Variants in KAT6B observed in about 807,000 individuals in gnomAD.
KAT6B encodes the protein lysine acetyltransferase 6B.
In KAT6B, 10 loss-of-function variants were observed where a neutral mutation model predicts 187.5. That is an observed-to-expected ratio of 0.05 (90% confidence interval 0.03 to 0.09). The LOEUF (loss-of-function observed/expected upper bound fraction) is 0.09. KAT6B is among the 10% of genes least tolerant of loss of function. KAT6B has a pLI of 1.00. For missense variants in KAT6B, 1,952 were observed against 2,558.9 expected (o/e 0.76, Z 5.12); for synonymous variants, 861 against 926.8 (o/e 0.93, Z 1.29).
In KAT6B at chr10:75,031,108, C is replaced by T; in HGVS notation, c.*62C>T. On this transcript the variant is annotated 3_prime_UTR_variant, in exon 18 of 18. Transcript: ENST00000287239. ...CTATTGGATTGATCTGCACAAATAC[C>T]TTTGAAGAGTACGATTTCAAAACCA... The T allele has an allele frequency of 1.3e-6, 2 of 1,584,736 alleles. No homozygotes were observed.
chr10:74,838,538 T>C (rs1841484907), intron 1 of KAT6B, 145 bp from the exon 2 acceptor site: 1 of 152,200 alleles, frequency 6.6e-6, no homozygotes, highest in Admixed American at 6.5e-5. Context: ...CCTTCAGTGG[T>C]CTAAAAGAAT....
At chr10:74,934,616 G>A (rs1849110823) in intron 3 of KAT6B, among the ~76,000 whole-genome samples, 1 of 151,990 alleles carries the variant, frequency 6.6e-6, no homozygotes, top group Non-Finnish European at 1.5e-5. Flanking sequence ...CTGCTGCGTG[G>A]GTCTCCAGTC....
At chr10:74,925,901 G>C (rs534466332) in intron 3 of KAT6B, among the ~76,000 whole-genome samples, 1 of 152,130 alleles carries the variant, frequency 6.6e-6, no homozygotes, top group African/African-American at 2.4e-5. Flanking sequence ...GCAGTCGGCA[G>C]AACAGATGCA....
intron 3 of KAT6B, among the ~76,000 whole-genome samples, chr10:74,900,946 T>C (rs1846343753): frequency 6.6e-6 from 1 of 152,222 alleles, no homozygotes; most frequent in Non-Finnish European, 1.5e-5. Context: ...TAATACTCCA[T>C]GAAAGTATAT....
intron 12 of KAT6B, among the ~76,000 whole-genome samples, chr10:74,986,630 A>G (rs950368018): frequency 2.0e-5 from 3 of 152,262 alleles, no homozygotes; most frequent in African/African-American, 7.2e-5. Context: ...TTAAAATGAA[A>G]AAGAAGAAAG....
At chr10:74,897,700 C>T (rs1011351400) in intron 3 of KAT6B, among the ~76,000 whole-genome samples, 1 of 152,190 alleles carries the variant, frequency 6.6e-6, no homozygotes, top group Admixed American at 6.5e-5. Context: ...TTTTTAAATA[C>T]TTTCACCTTG....
chr10:74,951,794 G>A (rs980245862), intron 3 of KAT6B, among the ~76,000 whole-genome samples: 4 of 152,300 alleles, frequency 2.6e-5, no homozygotes, highest in East Asian at 1.9e-4. Context: ...TTTACATGTC[G>A]TGTTTGTGGT....
At chr10:74,943,428 A>G (rs1395230285) in intron 3 of KAT6B, among the ~76,000 whole-genome samples, 1 of 152,208 alleles carries the variant, frequency 6.6e-6, no homozygotes, top group African/African-American at 2.4e-5. Flanking sequence ...CCCAGTAAAG[A>G]TCCCAAAAAG....
At chr10:74,957,089 T>C (rs569477215) in intron 3 of KAT6B, among the ~76,000 whole-genome samples, 1 of 152,326 alleles carries the variant, frequency 6.6e-6, no homozygotes, top group Non-Finnish European at 1.5e-5. Flanking sequence ...TTTACTTTAT[T>C]ATAAGGGATT....
chr10:74,907,381 C>T (rs1176355375), intron 3 of KAT6B, among the ~76,000 whole-genome samples: 4 of 152,210 alleles, frequency 2.6e-5, no homozygotes, highest in Non-Finnish European at 4.4e-5. Flanking sequence ...ATTTGGCTGT[C>T]CTGTTTGTCA....
chr10:74,923,186 G>A (rs1848262230), intron 3 of KAT6B, among the ~76,000 whole-genome samples: 1 of 152,180 alleles, frequency 6.6e-6, no homozygotes, highest in Non-Finnish European at 1.5e-5. Context: ...AATGAGTCAT[G>A]GGCAAACAAT....
rs768436086 is a variant in KAT6B, at chr10:75,030,051, C to T, written c.5227C>T (p.Pro1743Ser). 2 of 1,614,220 alleles carry T rather than the reference C, an allele frequency of 1.2e-6. No homozygotes were observed. Reference sequence around the variant, plus strand: ...GCTGCAGCAAACCAGCATCAGCTCCCCTCCGACCTGCAGCGTCAAGTCTCC... The same window carrying T: ...GCTGCAGCAAACCAGCATCAGCTCCTCTCCGACCTGCAGCGTCAAGTCTCC... ...SMLQQTSISSPPTCSVKSPQG... is the reference protein window; with the variant it reads ...SMLQQTSISSSPTCSVKSPQG... The change falls in exon 18 of 18, where the codon CCT (proline) becomes TCT (serine). Residue 1743 changes from proline to serine, a missense_variant. Around this residue, in one of 9 missense-constraint regions of KAT6B, gnomAD observed 87 missense variants for 167.5 expected, o/e 0.52. Transcript: ENST00000287239. This position sits in a 1 kb window ranked among gnomAD's most constrained non-coding sequence, Gnocchi z 4.8.
intron 13 of KAT6B, among the ~76,000 whole-genome samples, chr10:75,001,278 C>T (rs547989388): frequency 3.3e-5 from 5 of 152,230 alleles, no homozygotes; most frequent in South Asian, 2.1e-4. Context: ...TAGAGATCCC[C>T]GGGCTTGTTT....
intron 1 of KAT6B, among the ~76,000 whole-genome samples, chr10:74,830,224 C>T (rs1465550161): frequency 6.6e-6 from 1 of 152,138 alleles, no homozygotes; most frequent in East Asian, 1.9e-4. Flanking sequence ...TCTTCTGATA[C>T]CTGTCTTCTC....
chr10:74,996,175 T>C (rs767918560), intron 13 of KAT6B, among the ~76,000 whole-genome samples: 93 of 152,208 alleles, frequency 6.1e-4, no homozygotes, highest in Non-Finnish European at 2.1e-4. Flanking sequence ...TTTAACCTTA[T>C]TGATTGGGAT....
intron 3 of KAT6B, among the ~76,000 whole-genome samples, chr10:74,955,221 A>G (rs572166717): frequency 6.6e-6 from 1 of 152,220 alleles, no homozygotes; most frequent in African/African-American, 2.4e-5. Context: ...AGAAGAAAAA[A>G]ACATATATGT....
At chr10:75,026,696 TTCC>T (rs1845871246) in intron 17 of KAT6B, among the ~76,000 whole-genome samples, 1 of 152,160 alleles carries the variant, frequency 6.6e-6, no homozygotes, top group South Asian at 2.1e-4. Flanking sequence ...TGAGGTTTAT[TTCC>T]CCTTCTTGGC....
intron 3 of KAT6B, among the ~76,000 whole-genome samples, chr10:74,878,272 A>G (rs757348458): frequency 6.6e-6 from 1 of 152,196 alleles, no homozygotes; most frequent in African/African-American, 2.4e-5. Context: ...TCATTCATTT[A>G]CAGAGTACTT....
chr10:75,020,180 A>G (rs757532029), intron 13 of KAT6B, among the ~76,000 whole-genome samples: 10 of 152,334 alleles, frequency 6.6e-5, no homozygotes, highest in Admixed American at 3.9e-4. Flanking sequence ...CAACTTGCCC[A>G]TTAATGTTGG....
Sources: allele counts gnomAD v4.1 joint callset (sites outside exome capture counted in the v4.1 genomes callset), GRCh38; gene constraint gnomAD v4.1.1; regional missense constraint gnomAD v4.1.1; non-coding constraint Gnocchi (gnomAD v3.1); transcripts MANE v1.5; gene names NCBI Gene and HGNC (gene_info 2026-07-23, HGNC 2026-07-21).